Variants in GPATCH1 observed in about 807,000 individuals in gnomAD.
The protein encoded by GPATCH1 is G-patch domain containing 1.
A neutral mutation model predicts 114.9 loss-of-function variants in GPATCH1; 73 were observed. The ratio of observed to expected loss-of-function variants is 0.64; its 90% CI spans 0.53 to 0.77. GPATCH1 has a LOEUF of 0.77. Ranked by LOEUF, GPATCH1 falls within the 30% of genes least tolerant of loss-of-function variation. The pLI, the probability that GPATCH1 is intolerant of heterozygous loss-of-function variation, is 0.00. For synonymous variants in GPATCH1, 391 were observed against 428.4 expected, an observed-to-expected ratio of 0.91 and a Z score of 1.08; for missense variants, 1,058 against 1,144.3, an observed-to-expected ratio of 0.92 and a Z score of 1.09.
intron 1 of GPATCH1, among the ~76,000 whole-genome samples, chr19:33,083,767 C>G (rs544878533): frequency 1.2e-4 from 18 of 152,100 alleles, no homozygotes; most frequent in Non-Finnish European, 2.5e-4. Context: ...TAAAAACATT[C>G]TTTAACTTCT....
At chr19:33,112,107 AG>A (rs1972862173) in intron 12 of GPATCH1, among the ~76,000 whole-genome samples, 1 of 152,056 alleles carries the variant, frequency 6.6e-6, no homozygotes. Context: ...CTGGGATTAC[AG>A]GCGCTCGCCA....
At chr19:33,128,152 A>C (rs2145344876) in intron 19 of GPATCH1, among the ~76,000 whole-genome samples, 1 of 152,278 alleles carries the variant, frequency 6.6e-6, no homozygotes, top group East Asian at 1.9e-4. Flanking sequence ...CAGTGGCCTG[A>C]TCACAGCTCA....
chr19:33,113,577 C>A, intron 13 of GPATCH1, 190 bp from the exon 14 acceptor site: 1 of 535,504 alleles, frequency 1.9e-6, no homozygotes, highest in Non-Finnish European at 3.3e-6. Flanking sequence ...TTGTCCTTAT[C>A]ATAATAAGGA....
In GPATCH1 at chr19:33,088,227, G is replaced by A; in HGVS notation, c.167G>A (p.Gly56Asp). Reference sequence around the variant, plus strand: ...CGATTCCACGGGGCCTTTAGTGGAGGTTTCTCTGCTGGATACTTCAATACT... The same window carrying A: ...CGATTCCACGGGGCCTTTAGTGGAGATTTCTCTGCTGGATACTTCAATACT... ...YKRFHGAFSG[G>D]FSAGYFNTVG... Residue 56 changes from glycine (G) to aspartate (D), a missense_variant, in exon 2 of 20, where the codon GGT becomes GAT. By Grantham distance (94) the Gly-to-Asp change is moderately conservative. Around this residue, in one of 3 missense-constraint regions of GPATCH1, gnomAD observed 131 missense variants for 107.2 expected, o/e 1.22. Coordinates refer to ENST00000170564, the MANE Select transcript of GPATCH1 (RefSeq NM_018025.3). The A allele has an allele frequency of 1.2e-6, 2 of 1,605,742 alleles. No homozygotes were observed. The highest frequency in any genetic ancestry group is 1.7e-6 in the Non-Finnish European group (2 of 1,174,542).
chr19:33,129,764 T>C (rs1973082084), intron 19 of GPATCH1, among the ~76,000 whole-genome samples: 1 of 151,942 alleles, frequency 6.6e-6, no homozygotes, highest in Non-Finnish European at 1.5e-5. Context: ...GCCAACATGG[T>C]GAAACCCCAT....
At chr19:33,113,700 A>G (rs761288717) in intron 13 of GPATCH1, 67 bp from the exon 14 acceptor site, 4 of 1,424,220 alleles carry the variant, frequency 2.8e-6, no homozygotes, top group Non-Finnish European at 3.9e-6. Flanking sequence ...TTGAGATGGA[A>G]AGCTTTTCAG....
intron 13 of GPATCH1, chr19:33,113,173 G>A: frequency 6.4e-6 from 1 of 155,612 alleles, no homozygotes; most frequent in Non-Finnish European, 1.4e-5. Context: ...GGGTGCAATG[G>A]CTCACGCCTG....
At chr19:33,105,411 C>T (rs932687493) in intron 9 of GPATCH1, among the ~76,000 whole-genome samples, 1 of 58,534 alleles carries the variant, frequency 1.7e-5, no homozygotes, top group Non-Finnish European at 3.5e-5. Flanking sequence ...GACTCTGTCT[C>T]AAAAAAAAAA....
At position 33,112,557 on chromosome 19, in the gene GPATCH1, G is replaced by A. The variant is rs752487234; in HGVS notation, c.1836G>A (p.Glu612=). ...GGAAGCTCACCCGAGACACGTTTGAGTGGCACCCTGACAAGCTTCTATGTA... is the reference window on the plus strand; with the variant it reads ...GGAAGCTCACCCGAGACACGTTTGAATGGCACCCTGACAAGCTTCTATGTA... ...MFGKLTRDTF[E]WHPDKLLCKR... The change falls in exon 13 of 20, where the codon GAG becomes GAA. Residue 612 remains glutamate (E), a synonymous_variant. Transcript: ENST00000170564. 1.2e-6 allele frequency: 2 copies of A among 1,613,974 alleles called. No individual in the cohort carries two copies. Among genetic ancestry groups the A allele is most frequent in the South Asian group, 1.1e-5 (1 of 91,076 alleles).
intron 6 of GPATCH1, 61 bp from the exon 7 acceptor site, chr19:33,096,146 T>C (rs766600097): frequency 9.0e-6 from 14 of 1,554,262 alleles, no homozygotes; most frequent in Admixed American, 1.8e-5. Flanking sequence ...CAATTAGTAT[T>C]TTGTGGGTTT....
intron 8 of GPATCH1, among the ~76,000 whole-genome samples, chr19:33,098,656 A>G (rs746498279): frequency 6.6e-6 from 1 of 152,184 alleles, no homozygotes; most frequent in Non-Finnish European, 1.5e-5. Context: ...AAGTGAGGAT[A>G]AAATCCACTC....
intron 8 of GPATCH1, among the ~76,000 whole-genome samples, chr19:33,099,587 AT>A (rs1228167633): frequency 6.6e-6 from 1 of 150,554 alleles, no homozygotes; most frequent in Non-Finnish European, 1.5e-5. Context: ...TCCACGGTTG[AT>A]TTTTTACATT....
At chr19:33,125,449 A>G (rs1229960347) in intron 18 of GPATCH1, among the ~76,000 whole-genome samples, 1 of 146,416 alleles carries the variant, frequency 6.8e-6, no homozygotes, top group Non-Finnish European at 1.5e-5. Flanking sequence ...CCTAGGGTGG[A>G]TGGAGTTCAG....
At chr19:33,110,081 T>A in intron 11 of GPATCH1, 65 bp downstream of exon 11, 1 of 1,329,212 alleles carries the variant, frequency 7.5e-7, no homozygotes, top group Non-Finnish European at 1.0e-6. Context: ...ACTGTTCTCA[T>A]CCTAGACCCA....
chr19:33,112,513 G>A lies in GPATCH1; in HGVS notation c.1792G>A (p.Val598Met), dbSNP rs991122144. ...ENDVGDKQSA[V>M]KMKMFGKLTR... ...TGATGTCGGGGATAAGCAGTCGGCT[G>A]TGAAGATGAAGATGTTTGGGAAGCT... is the stretch of plus-strand genomic sequence containing the variant. Residue 598 changes from valine (V) to methionine (M), a missense_variant, in exon 13 of 20, where the codon GTG becomes ATG. Physicochemically the swap from Val to Met is conservative, Grantham distance 21 (BLOSUM62 1). Transcript: ENST00000170564. The A allele has an allele frequency of 1.9e-6, 3 of 1,614,064 alleles. No individual in the cohort carries two copies. The highest frequency in any genetic ancestry group is 1.3e-5 in the African/African-American group (1 of 75,020).
chr19:33,098,020 A>T lies in GPATCH1; in HGVS notation c.1000+118A>T. On this transcript the variant is annotated intron_variant, in intron 8 of 19. Coordinates refer to ENST00000170564, the MANE Select transcript of GPATCH1 (RefSeq NM_018025.3). The stretch of plus-strand genomic sequence containing the variant: ...GTTGTTGGTCAAAGTCACGGTAAGA[A>T]ACAAAACAAAGAAGCGAGGCCCAGC... 3.0e-6 allele frequency: 3 copies of T among 999,444 alleles called. No homozygotes were observed. In the Admixed American group the frequency reaches 6.7e-5, roughly 22 times the overall value. 61.9% of individuals were successfully genotyped at this position (999,444 alleles called of 1,614,324 possible).
intron 2 of GPATCH1, among the ~76,000 whole-genome samples, chr19:33,088,658 CT>C (rs10658695): frequency 9.0e-4 from 87 of 96,182 alleles, no homozygotes; most frequent in Admixed American, 1.0e-3. Flanking sequence ...GCCACCTTTG[CT>C]TTTTTTTTTT....
Position 33,114,359 on chromosome 19 carries a change from A to G in GPATCH1, c.2136A>G (p.Gln712=). 6.2e-7 allele frequency: 1 copy of G among 1,613,556 alleles called. No homozygotes were observed. Among genetic ancestry groups the G allele is most frequent in the Non-Finnish European group, 8.5e-7 (1 of 1,179,724 alleles). Residue 712 remains glutamine (Q), a synonymous_variant, in exon 15 of 20, where the codon CAA becomes CAG. Transcript: ENST00000170564. ...GATCAAAAGCCGAGCCACCTAAACAACAGTCCAGCCCCTTAGTAAACAAAG... is the reference window on the plus strand; with the variant it reads ...GATCAAAAGCCGAGCCACCTAAACAGCAGTCCAGCCCCTTAGTAAACAAAG... ...LARSKAEPPK[Q]QSSPLVNKEE...
At position 33,106,722 on chromosome 19, in the gene GPATCH1, G is replaced by C; in HGVS notation, c.1108G>C (p.Asp370His). The C allele has an allele frequency of 6.2e-7, 1 of 1,613,866 alleles. No homozygotes were observed. Among genetic ancestry groups the C allele is most frequent in the Non-Finnish European group, 8.5e-7 (1 of 1,179,950 alleles). Residue 370 changes from aspartate (D) to histidine (H), a missense_variant, in exon 10 of 20, where the codon GAC becomes CAC. Around this residue, in one of 3 missense-constraint regions of GPATCH1, gnomAD observed 893 missense variants for 977.4 expected, o/e 0.91. Transcript: ENST00000170564. ...CTATCCACCTCCAGAGCTGCCAAGA[G>C]ACTATCGACCAGTGCATTATTTCAG... ...KIYPPPELPRDYRPVHYFRPM... is the reference protein window; with the variant it reads ...KIYPPPELPRHYRPVHYFRPM...
Sources: gnomAD v4.1 joint callset for allele counts (sites outside exome capture counted in the v4.1 genomes callset) on GRCh38, gnomAD v4.1.1 for gene constraint, gnomAD v4.1.1 regional missense constraint, MANE v1.5 for transcripts, NCBI Gene and HGNC (gene_info 2026-07-23, HGNC 2026-07-21) for gene names.